Variants in MAGI2 observed in about 807,000 individuals in gnomAD.
The protein encoded by MAGI2 is membrane-associated guanylate kinase, WW and PDZ domain-containing protein 2.
Under a neutral mutation model 133.3 loss-of-function variants are expected in MAGI2, and 35 were observed. That is an observed-to-expected ratio of 0.26 (90% CI 0.20 to 0.35). The LOEUF (loss-of-function observed/expected upper bound fraction) is 0.35. MAGI2 is among the 10% of genes least tolerant of loss of function. The pLI is 1.00. For missense variants in MAGI2, 1,636 were observed against 1,863.4 expected, an observed-to-expected ratio of 0.88 and a Z score of 2.25; for synonymous variants, 729 against 710.6, an observed-to-expected ratio of 1.03 and a Z score of -0.41.
intron 1 of MAGI2, among the ~76,000 whole-genome samples, chr7:79,398,009 A>ATT (rs897784109): frequency 6.6e-6 from 1 of 152,166 alleles, no homozygotes; most frequent in African/African-American, 2.4e-5. Flanking sequence ...TAACAGAATT[A>ATT]TTTATTCTCA....
intron 10 of MAGI2, among the ~76,000 whole-genome samples, chr7:78,250,195 C>G (rs144976874): frequency 1.7e-4 from 26 of 152,110 alleles, no homozygotes; most frequent in Admixed American, 3.3e-4. Flanking sequence ...CAAAATCATA[C>G]AAAACATGTT....
chr7:79,375,766 A>G lies in MAGI2; in HGVS notation c.301+77254T>C, dbSNP rs182732774. Among the ~76,000 whole-genome samples the G allele has an allele frequency of 1.7e-3, 255 of 152,052 alleles. 2 individuals carry two copies. Among genetic ancestry groups the G allele is most frequent in the Non-Finnish European group, 5.9e-4 (40 of 67,902 alleles). On this transcript the variant is annotated intron_variant, in intron 1 of 21. Transcript: ENST00000354212. Reference sequence around the variant, plus strand: ...ATAGGGATTCATATCATATGGGAAGAGGCCAGTCTGAAAAATAGAGAGGTT... The same window carrying G: ...ATAGGGATTCATATCATATGGGAAGGGGCCAGTCTGAAAAATAGAGAGGTT...
intron 4 of MAGI2, among the ~76,000 whole-genome samples, chr7:78,510,832 T>C (rs1795499024): frequency 6.6e-6 from 1 of 152,162 alleles, no homozygotes; most frequent in Non-Finnish European, 1.5e-5. Context: ...AGCAACTGAT[T>C]TAAAGCAAAA....
intron 2 of MAGI2, among the ~76,000 whole-genome samples, chr7:78,989,515 AT>A (rs1199117742): frequency 6.6e-6 from 1 of 152,072 alleles, no homozygotes; most frequent in Non-Finnish European, 1.5e-5. Context: ...CAGGCTGTGA[AT>A]TTGAGATTGT....
intron 1 of MAGI2, among the ~76,000 whole-genome samples, chr7:79,102,964 G>A (rs887862368): frequency 3.9e-5 from 6 of 152,282 alleles, no homozygotes; most frequent in African/African-American, 1.4e-4. Context: ...TTTAAGCAGG[G>A]TTGAGGCTTC....
At chr7:78,442,836 C>T (rs1787761436) in intron 6 of MAGI2, among the ~76,000 whole-genome samples, 1 of 152,222 alleles carries the variant, frequency 6.6e-6, no homozygotes, top group East Asian at 1.9e-4. Context: ...ACATATTAAA[C>T]AAACAGAACA....
chr7:79,445,014 A>G (rs1432190025), intron 1 of MAGI2, among the ~76,000 whole-genome samples: 1 of 152,236 alleles, frequency 6.6e-6, no homozygotes, highest in Non-Finnish European at 1.5e-5. Context: ...AATGCCGCAT[A>G]TCTACAACTC....
chr7:79,342,952 G>A (rs1021678509), intron 1 of MAGI2, among the ~76,000 whole-genome samples: 1 of 151,564 alleles, frequency 6.6e-6, no homozygotes, highest in East Asian at 1.9e-4. Flanking sequence ...TTAGTAGAAA[G>A]GGGGTTTCAC....
chr7:79,142,037 A>G (rs949273098), intron 1 of MAGI2, among the ~76,000 whole-genome samples: 1 of 152,192 alleles, frequency 6.6e-6, no homozygotes, highest in Non-Finnish European at 1.5e-5. Context: ...TGGGTACAAT[A>G]GGTACAAAAC....
chr7:79,063,573 C>T (rs1813992359), intron 1 of MAGI2, among the ~76,000 whole-genome samples: 1 of 151,880 alleles, frequency 6.6e-6, no homozygotes, highest in Non-Finnish European at 1.5e-5. Context: ...AGGAAGGAGG[C>T]AAAGGCATGG....
intron 20 of MAGI2, among the ~76,000 whole-genome samples, chr7:78,083,165 G>A (rs929437317): frequency 6.6e-6 from 1 of 151,824 alleles, no homozygotes; most frequent in African/African-American, 2.4e-5. Context: ...AAAATTCGCA[G>A]CCCTTTTAGA....
intron 3 of MAGI2, among the ~76,000 whole-genome samples, chr7:78,586,091 T>C (rs1478748373): frequency 1.3e-5 from 2 of 152,234 alleles, no homozygotes; most frequent in Non-Finnish European, 2.9e-5. Flanking sequence ...CATGGTTGTC[T>C]TTCTCAACCT....
Position 78,863,297 on chromosome 7 carries a change from A to G in MAGI2, c.418+143793T>C, listed in dbSNP as rs10278593. On this transcript the variant is annotated intron_variant, in intron 2 of 21. Coordinates refer to ENST00000354212, the MANE Select transcript of MAGI2 (RefSeq NM_012301.4). ...ATACCTGAGGCTGGGTGACTTGTAG[A>G]GGAGTTTATTTAGCTTATGACTTTT... Among the ~76,000 whole-genome samples, 1,187 of 152,296 alleles carry G rather than the reference A, an allele frequency of 7.8e-3. 20 individuals carry two copies. The highest frequency in any genetic ancestry group is 0.027 in the African/African-American group (1,122 of 41,564).
At chr7:78,538,044 G>A (rs578022685) in intron 3 of MAGI2, among the ~76,000 whole-genome samples, 5 of 151,926 alleles carry the variant, frequency 3.3e-5, no homozygotes, top group South Asian at 2.1e-4. Context: ...GATCCTGCAC[G>A]TATCTTGCCA....
chr7:79,282,214 G>T (rs750436424), intron 1 of MAGI2, among the ~76,000 whole-genome samples: 2 of 152,092 alleles, frequency 1.3e-5, no homozygotes, highest in Non-Finnish European at 2.9e-5. Flanking sequence ...CACTTGTGAG[G>T]CATTGTAAAA....
intron 2 of MAGI2, among the ~76,000 whole-genome samples, chr7:78,655,842 G>C: frequency 6.6e-6 from 1 of 151,770 alleles, no homozygotes; most frequent in East Asian, 1.9e-4. Context: ...TTAGCCAGGC[G>C]CGGTGGCGGG....
intron 2 of MAGI2, among the ~76,000 whole-genome samples, chr7:78,745,541 A>C (rs182548258): frequency 2.9e-4 from 44 of 152,222 alleles, no homozygotes; most frequent in African/African-American, 6.5e-4. Flanking sequence ...TTAAAAAAAA[A>C]AACAACAACA....
At chr7:78,673,862 C>T (rs1467395658) in intron 2 of MAGI2, among the ~76,000 whole-genome samples, 1 of 152,152 alleles carries the variant, frequency 6.6e-6, no homozygotes. Context: ...CCATTATAGT[C>T]ATTTTTAAAT....
At chr7:79,009,334 TAGA>T (rs1240830960) in intron 1 of MAGI2, among the ~76,000 whole-genome samples, 1 of 152,090 alleles carries the variant, frequency 6.6e-6, no homozygotes. Flanking sequence ...TTTTTTTTCA[TAGA>T]AGAACTGTCG....
Sources: allele counts gnomAD v4.1 joint callset (sites outside exome capture counted in the v4.1 genomes callset), GRCh38; gene constraint gnomAD v4.1.1; transcripts MANE v1.5; gene names NCBI Gene and HGNC (gene_info 2026-07-23, HGNC 2026-07-21).